Variants in STRBP observed in about 807,000 individuals in gnomAD.
The protein encoded by STRBP is spermatid perinuclear RNA-binding protein.
Under a neutral mutation model 80.1 loss-of-function variants are expected in STRBP, and 13 were observed. That is an observed-to-expected ratio of 0.16 (90% confidence interval 0.11 to 0.26). The LOEUF is 0.26. Ranked by LOEUF, STRBP falls within the 10% of genes least tolerant of loss-of-function variation. The pLI, the probability that STRBP is intolerant of heterozygous loss-of-function variation, is 1.00. For missense variants in STRBP, 485 were observed against 815.2 expected, an observed-to-expected ratio of 0.59 and a Z score of 4.93; for synonymous variants, 284 against 291.2, an observed-to-expected ratio of 0.98 and a Z score of 0.25.
At chr9:123,158,479 C>T (rs747960088) in intron 9 of STRBP, 50 bp from the exon 10 acceptor site, 29 of 1,515,558 alleles carry the variant, frequency 1.9e-5, no homozygotes, top group East Asian at 4.5e-5. Flanking sequence ...GTTTAGAATT[C>T]GGTAAACTAA....
At chr9:123,168,115 A>AT in intron 6 of STRBP, 1 of 601,994 alleles carries the variant, frequency 1.7e-6, no homozygotes, top group Non-Finnish European at 2.1e-6. Context: ...ATAATTTTTA[A>AT]TAATACCTAT....
At chr9:123,245,151 G>A (rs1326683419) in intron 1 of STRBP, among the ~76,000 whole-genome samples, 1 of 152,094 alleles carries the variant, frequency 6.6e-6, no homozygotes, top group African/African-American at 2.4e-5. Flanking sequence ...AACAGCATGT[G>A]AATCCACAAC....
chr9:123,163,355 C>G (rs1342191096), intron 6 of STRBP, among the ~76,000 whole-genome samples: 1 of 152,166 alleles, frequency 6.6e-6, no homozygotes, highest in Non-Finnish European at 1.5e-5. Flanking sequence ...TAACCACAAA[C>G]TCTTATTTTA....
chr9:123,234,007 T>C (rs921577248), intron 2 of STRBP, among the ~76,000 whole-genome samples: 10 of 152,006 alleles, frequency 6.6e-5, no homozygotes, highest in Admixed American at 3.3e-4. Flanking sequence ...GAGACCATCC[T>C]GGCTAATACG....
chr9:123,170,290 T>A (rs1008243168), intron 5 of STRBP, among the ~76,000 whole-genome samples: 1 of 152,190 alleles, frequency 6.6e-6, no homozygotes, highest in Non-Finnish European at 1.5e-5. Flanking sequence ...CATACAATTA[T>A]GAAACAATAT....
chr9:123,227,011 T>G lies in STRBP; in HGVS notation c.-165+9819A>C, dbSNP rs115957896. 1.6e-4 allele frequency among the ~76,000 whole-genome samples: 25 copies of G among 152,326 alleles called. No individual in the cohort carries two copies. The East Asian group carries it at 4.4e-3, about 27-fold the overall frequency. On this transcript the variant is annotated intron_variant, in intron 2 of 18. Coordinates refer to ENST00000348403, the MANE Select transcript of STRBP (RefSeq NM_018387.5). ...AGATCTAATTCACAGCCTCAAGTTC[T>G]TTTATAATCAGCATTAATCCATTCG...
At chr9:123,211,434 T>A (rs1210049361) in intron 2 of STRBP, among the ~76,000 whole-genome samples, 1 of 152,128 alleles carries the variant, frequency 6.6e-6, no homozygotes, top group Non-Finnish European at 1.5e-5. Flanking sequence ...GCCATGGGGA[T>A]AGGATGGTTG....
intron 2 of STRBP, among the ~76,000 whole-genome samples, chr9:123,220,682 A>G (rs1479358509): frequency 3.9e-5 from 6 of 152,246 alleles, no homozygotes; most frequent in Non-Finnish European, 8.8e-5. Context: ...TCAACAATGT[A>G]TCACTGTATT....
chr9:123,168,368 G>A (rs1261559124), intron 6 of STRBP: 1 of 182,434 alleles, frequency 5.5e-6, no homozygotes, highest in Non-Finnish European at 1.0e-5. Flanking sequence ...TAGATTGGAT[G>A]CCCTTTGATT....
At chr9:123,245,591 C>T (rs1488940284) in intron 1 of STRBP, among the ~76,000 whole-genome samples, 1 of 152,118 alleles carries the variant, frequency 6.6e-6, no homozygotes, top group Non-Finnish European at 1.5e-5. Context: ...CTGTGTTAGC[C>T]AGGATGGTCT....
chr9:123,201,389 G>C (rs1236230251), intron 2 of STRBP, among the ~76,000 whole-genome samples: 2 of 152,050 alleles, frequency 1.3e-5, no homozygotes, highest in Non-Finnish European at 2.9e-5. Flanking sequence ...GTATCCCAAA[G>C]GTTTTGATAA....
intron 8 of STRBP, 146 bp from the exon 9 acceptor site, chr9:123,159,353 G>A (rs2037425529): frequency 1.9e-6 from 1 of 521,828 alleles, no homozygotes; most frequent in Admixed American, 3.4e-5. Context: ...TTTTCCCCAT[G>A]ATTATCAACC....
At chr9:123,238,872 C>CA (rs376454330) in intron 1 of STRBP, among the ~76,000 whole-genome samples, 1 of 152,026 alleles carries the variant, frequency 6.6e-6, no homozygotes, top group Non-Finnish European at 1.5e-5. Context: ...GACACCCCCC[C>CA]ACAATAAATT....
chr9:123,122,129 G>C lies in STRBP; in HGVS notation c.*3468C>G. On this transcript the variant is annotated 3_prime_UTR_variant, in exon 19 of 19. Coordinates refer to ENST00000348403, the MANE Select transcript of STRBP (RefSeq NM_018387.5). ...GAGATCAAATACATCATATATGATT[G>C]TCATATATGCATGTTGTCTTAATTG... 3.7e-6 allele frequency: 1 copy of C among 270,144 alleles called. No individual in the cohort carries two copies. Among genetic ancestry groups the C allele is most frequent in the South Asian group, 4.3e-5 (1 of 23,368 alleles). The allele number at this position is 270,144 out of a possible 1,614,324, so 16.7% of individuals were successfully genotyped here.
chr9:123,158,710 C>T (rs887834013), intron 9 of STRBP, among the ~76,000 whole-genome samples: 18 of 151,972 alleles, frequency 1.2e-4, no homozygotes, highest in East Asian at 9.6e-4. Flanking sequence ...ATGAATCAGC[C>T]CAAATCTTAA....
At chr9:123,215,630 T>C (rs899166309) in intron 2 of STRBP, among the ~76,000 whole-genome samples, 2 of 151,666 alleles carry the variant, frequency 1.3e-5, no homozygotes, top group South Asian at 2.1e-4. Flanking sequence ...ACTAAAAATA[T>C]AAAAATTAGC....
chr9:123,177,976 CAT>C (rs971475903), intron 4 of STRBP, among the ~76,000 whole-genome samples: 5 of 152,088 alleles, frequency 3.3e-5, no homozygotes, highest in African/African-American at 1.2e-4. Context: ...GTACAGACAT[CAT>C]ATATGAGAAA....
rs1034887698 is a variant in STRBP at position 123,123,686 on chromosome 9, G to T, written c.*1911C>A. On this transcript the variant is annotated 3_prime_UTR_variant, in exon 19 of 19. Coordinates refer to ENST00000348403, the MANE Select transcript of STRBP (RefSeq NM_018387.5). The stretch of plus-strand genomic sequence containing the variant: ...AATTTTCTAACGAGAAATATCTAGA[G>T]ATTCCAACGTGGAATCCAAATTTGA... The T allele has an allele frequency of 2.0e-6, 2 of 985,260 alleles. No individual in the cohort carries two copies. The highest frequency in any genetic ancestry group is 1.1e-4 in the East Asian group (1 of 8,820). 61.0% of individuals were successfully genotyped at this position (985,260 alleles called of 1,614,324 possible). A position where few individuals can be genotyped will look rare whatever the true frequency, so the allele number is the denominator to read the frequency against.
At chr9:123,133,454 C>T (rs2036223782) in intron 16 of STRBP, among the ~76,000 whole-genome samples, 1 of 152,172 alleles carries the variant, frequency 6.6e-6, no homozygotes, top group African/African-American at 2.4e-5. Context: ...CTCTAAGTAA[C>T]TGTGACCTCA....
Sources: gnomAD v4.1 joint callset for allele counts (sites outside exome capture counted in the v4.1 genomes callset) on GRCh38, gnomAD v4.1.1 for gene constraint, MANE v1.5 for transcripts, NCBI Gene and HGNC (gene_info 2026-07-23, HGNC 2026-07-21) for gene names.